The following CYP1B1 variants were observed in gnomAD, a reference collection of about 807,000 sequenced individuals.
The protein encoded by CYP1B1 is cytochrome P450 1B1.
A neutral mutation model predicts 29.9 loss-of-function variants in CYP1B1; 22 were observed. The observed-to-expected ratio is 0.74, with a 90% confidence interval of 0.53 to 1.05. The LOEUF is 1.05. CYP1B1 is among the 50% of genes least tolerant of loss of function. The pLI is 0.00. For missense variants in CYP1B1, 883 were observed against 746.9 expected, an observed-to-expected ratio of 1.18 and a Z score of -2.12; for synonymous variants, 375 against 320.0, an observed-to-expected ratio of 1.17 and a Z score of -1.83.
In CYP1B1 at chr2:38,075,126, C is replaced by G; in HGVS notation, c.263G>C (p.Arg88Pro). 6.3e-7 allele frequency: 1 copy of G among 1,578,724 alleles called. No individual in the cohort carries two copies. The highest frequency in any genetic ancestry group is 1.1e-5 in the South Asian group (1 of 88,516). Reference sequence around the variant, plus strand: ...CACCACTATGGGGCAGCTGCCCAGGCGGATCTGGAAAACGTCGCCGTAGCG... The same window carrying G: ...CACCACTATGGGGCAGCTGCCCAGGGGGATCTGGAAAACGTCGCCGTAGCG... ...ARRYGDVFQIRLGSCPIVVLN... is the reference protein window; with the variant it reads ...ARRYGDVFQIPLGSCPIVVLN... Residue 88 changes from arginine (R) to proline (P), a missense_variant, in exon 2 of 3, where the codon CGC becomes CCC. Coordinates refer to ENST00000610745, the MANE Select transcript of CYP1B1 (RefSeq NM_000104.4).
At position 38,069,293 on chromosome 2, in the gene CYP1B1, A is replaced by T; in HGVS notation, c.*1429T>A. ...AATCATCTAGAAGAGAAACTTGGTC[A>T]GTTGTAATGGGAGTTCTGTCCCCAA... On this transcript the variant is annotated 3_prime_UTR_variant, in exon 3 of 3. Transcript: ENST00000610745. 1 of 220,112 alleles carries T rather than the reference A, an allele frequency of 4.5e-6. No individual in the cohort carries two copies. 13.6% of individuals were successfully genotyped at this position (220,112 alleles called of 1,614,324 possible).
In CYP1B1 at chr2:38,074,385, A is replaced by T. The variant is rs1424195647; in HGVS notation, c.1004T>A (p.Leu335Gln). 6.2e-7 allele frequency: 1 copy of T among 1,613,540 alleles called. No individual in the cohort carries two copies. The highest frequency in any genetic ancestry group is 8.5e-7 in the Non-Finnish European group (1 of 1,180,010). Residue 335 changes from leucine (L) to glutamine (Q), a missense_variant, in exon 2 of 3, where the codon CTG becomes CAG. Transcript: ENST00000610745. ...GAGCAGCCACTGCAGCGCGGTGGAC[A>T]GGGTGTCCTGGCTGGCGCCGAAGAT... ...TDIFGASQDT[L>Q]STALQWLLLL... is the part of the protein sequence containing the mutation.
At chr2:38,071,963 A>G (rs754171102) in intron 2 of CYP1B1, among the ~76,000 whole-genome samples, 1 of 152,180 alleles carries the variant, frequency 6.6e-6, no homozygotes, top group Non-Finnish European at 1.5e-5. Context: ...TGGTGTCCTG[A>G]TGGATAAAGC....
intron 2 of CYP1B1, among the ~76,000 whole-genome samples, chr2:38,072,670 A>G (rs910994614): frequency 2.0e-5 from 3 of 152,194 alleles, no homozygotes; most frequent in African/African-American, 7.2e-5. Flanking sequence ...GAGTCTGCCA[A>G]CTTTTTTCAT....
Position 38,074,525 on chromosome 2 carries a change from G to T in CYP1B1, c.864C>A (p.Ala288=), listed in dbSNP as rs142854274. ...TAAAGGCGTCCATCATGTCGCGGGGGGCGGCCCCGGGCCGAAGGCTTTCGC... is the reference window on the plus strand; with the variant it reads ...TAAAGGCGTCCATCATGTCGCGGGGTGCGGCCCCGGGCCGAAGGCTTTCGC... ...RHCESLRPGA[A]PRDMMDAFIL... Residue 288 remains alanine (A), a synonymous_variant, in exon 2 of 3, where the codon GCC becomes GCA. Transcript: ENST00000610745. 1 of 1,607,602 alleles carries T rather than the reference G, an allele frequency of 6.2e-7. No homozygotes were observed. Among genetic ancestry groups the T allele is most frequent in the Non-Finnish European group, 8.5e-7 (1 of 1,177,382 alleles).
At chr2:38,074,187 CTG>C (rs1682481097) in intron 2 of CYP1B1, 157 bp downstream of exon 2, 1 of 804,500 alleles carries the variant, frequency 1.2e-6, no homozygotes, top group South Asian at 1.7e-5. Flanking sequence ...GCAGCCCTCA[CTG>C]TGAGTCCCTT....
chr2:38,075,635 T>C (rs1558604165), intron 1 of CYP1B1, 145 bp downstream of exon 1: 1 of 586,724 alleles, frequency 1.7e-6, no homozygotes, highest in Non-Finnish European at 3.0e-6. Context: ...GCAAGGCGCG[T>C]AACGGTTCCT....
rs1185738253 is a variant in CYP1B1 at position 38,075,080 on chromosome 2, G to A, written c.309C>T (p.Ile103=). The change falls in exon 2 of 3, where the codon ATC becomes ATT. Residue 103 remains isoleucine, a synonymous_variant. Transcript: ENST00000610745. ...PIVVLNGERA[I]HQALVQQGSA... ...AGCCCTGCTGCACCAGGGCCTGGTG[G>A]ATGGCGCGCTCGCCATTCAGCACCA... 1.9e-6 allele frequency: 3 copies of A among 1,581,664 alleles called. No individual in the cohort carries two copies. The highest frequency in any genetic ancestry group is 2.3e-5 in the East Asian group (1 of 43,860).
intron 2 of CYP1B1, among the ~76,000 whole-genome samples, chr2:38,072,695 T>C (rs1043394934): frequency 6.6e-6 from 1 of 152,192 alleles, no homozygotes; most frequent in African/African-American, 2.4e-5. Context: ...ACATGTATGG[T>C]GGGGAGAGCC....
Position 38,075,024 on chromosome 2 carries a change from G to T in CYP1B1, c.365C>A (p.Ser122Tyr). ...SAFADRPAFA[S>Y]FRVVSGGRSM... ...GCGGCCGCCGGACACCACACGGAAG[G>T]AGGCGAAGGCCGGCCGGTCGGCGAA... Residue 122 changes from serine (S) to tyrosine (Y), a missense_variant, in exon 2 of 3, where the codon TCC (serine) becomes TAC (tyrosine). By Grantham distance (144) the Ser-to-Tyr change is moderately radical (BLOSUM62 -2). Transcript: ENST00000610745. 1 of 1,592,120 alleles carries T rather than the reference G, an allele frequency of 6.3e-7. No individual in the cohort carries two copies.
In CYP1B1 at chr2:38,075,066, A is replaced by T. The variant is rs750429709; in HGVS notation, c.323T>A (p.Val108Glu). Residue 108 changes from valine to glutamate, a missense_variant, in exon 2 of 3, where the codon GTG (valine) becomes GAG (glutamate). Coordinates refer to ENST00000610745, the MANE Select transcript of CYP1B1 (RefSeq NM_000104.4). ...GTCGGCGAAGGCCGAGCCCTGCTGC[A>T]CCAGGGCCTGGTGGATGGCGCGCTC... Reference protein sequence around the residue: ...NGERAIHQALVQQGSAFADRP... With the variant: ...NGERAIHQALEQQGSAFADRP... 16 of 1,584,650 alleles carry T rather than the reference A, an allele frequency of 1.0e-5. No homozygotes were observed. In the African/African-American group the frequency reaches 2.1e-4, roughly 21 times the overall value.
At position 38,072,898 on chromosome 2, in the gene CYP1B1, G is replaced by GA. The variant is rs9341254; in HGVS notation, c.1043+1447dup. Among the ~76,000 whole-genome samples the GA allele has an allele frequency of 6.6e-4, 100 of 151,772 alleles. 1 individual carries two copies. The highest frequency in any genetic ancestry group is 4.0e-3 in the Admixed American group (61 of 15,264). On this transcript the variant is annotated intron_variant, in intron 2 of 2. Coordinates refer to ENST00000610745, the MANE Select transcript of CYP1B1 (RefSeq NM_000104.4). ...TGTCATACGTCTTTTCACTAAAAAG[G>GA]AAAAAAAAAGTATCAGCATATTGAA...
intron 2 of CYP1B1, chr2:38,073,729 C>G (rs1420812378): frequency 6.6e-6 from 1 of 152,564 alleles, no homozygotes; most frequent in Non-Finnish European, 1.5e-5. Context: ...CGGCATTTCT[C>G]AAACTCCTAG....
In CYP1B1 at chr2:38,071,128, A is replaced by G; in HGVS notation, c.1226T>C (p.Val409Ala). 6.2e-7 allele frequency: 1 copy of G among 1,613,798 alleles called. No homozygotes were observed. The highest frequency in any genetic ancestry group is 8.5e-7 in the Non-Finnish European group (1 of 1,179,696). The change falls in exon 3 of 3, where the codon GTC (valine) becomes GCC (alanine). Residue 409 changes from valine (V) to alanine (A), a missense_variant. Val to Ala is a moderately conservative substitution (Grantham distance 64, BLOSUM62 0). Coordinates refer to ENST00000610745, the MANE Select transcript of CYP1B1 (RefSeq NM_000104.4). The part of the protein sequence containing the change: ...IPHATTANTS[V>A]LGYHIPKDTV... ...GTCCTTGGGAATGTGGTAGCCCAAG[A>G]CAGAGGTGTTGGCAGTGGTGGCATG...
In CYP1B1 at chr2:38,068,723, C is replaced by G. The variant is rs1231762874; in HGVS notation, c.*1999G>C. 11 of 223,306 alleles carry G rather than the reference C, an allele frequency of 4.9e-5. No individual in the cohort carries two copies. Among genetic ancestry groups the G allele is most frequent in the Non-Finnish European group, 9.9e-5 (11 of 111,506 alleles). 13.8% of individuals were successfully genotyped at this position (223,306 alleles called of 1,614,324 possible). ...TGAAGTTTTTTAATATTCCAAACCA[C>G]AAAACAGATCTGCTATGTTGTAGAC... On this transcript the variant is annotated 3_prime_UTR_variant, in exon 3 of 3. Coordinates refer to ENST00000610745, the MANE Select transcript of CYP1B1 (RefSeq NM_000104.4).
chr2:38,074,033 A>G lies in CYP1B1; in HGVS notation c.1043+313T>C, dbSNP rs550447178. The G allele has an allele frequency of 1.4e-5, 7 of 493,630 alleles. No homozygotes were observed. In the South Asian group the frequency reaches 1.5e-4, roughly 10 times the overall value. 30.6% of individuals were successfully genotyped at this position (493,630 alleles called of 1,614,324 possible). A position where few individuals can be genotyped will look rare whatever the true frequency, so the allele number is the denominator to read the frequency against. Reference sequence around the variant, plus strand: ...AGAGAGATATCAGGGCTCATCTCCAAGCATTTAAAAACTCTTGTTTTTCCG... The same window carrying G: ...AGAGAGATATCAGGGCTCATCTCCAGGCATTTAAAAACTCTTGTTTTTCCG... On this transcript the variant is annotated intron_variant, in intron 2 of 2. Coordinates refer to ENST00000610745, the MANE Select transcript of CYP1B1 (RefSeq NM_000104.4).
Position 38,074,991 on chromosome 2 carries a change from G to A in CYP1B1, c.398C>T (p.Ala133Val), listed in dbSNP as rs1429075811. Residue 133 changes from alanine (A) to valine (V), a missense_variant, in exon 2 of 3, where the codon GCT becomes GTT. By Grantham distance (64) the Ala-to-Val change is moderately conservative. Coordinates refer to ENST00000610745, the MANE Select transcript of CYP1B1 (RefSeq NM_000104.4). The stretch of plus-strand genomic sequence containing the variant: ...CCAGTGCTCCGAGTAGTGGCCGAAA[G>A]CCATGCTGCGGCCGCCGGACACCAC... Reference protein sequence around the residue: ...FRVVSGGRSMAFGHYSEHWKV... With the variant: ...FRVVSGGRSMVFGHYSEHWKV... The A allele has an allele frequency of 2.5e-6, 4 of 1,588,918 alleles. No homozygotes were observed. In the African/African-American group the frequency reaches 5.3e-5, roughly 21 times the overall value.
In CYP1B1 at chr2:38,070,992, C is replaced by T. The variant is rs760132470; in HGVS notation, c.1362G>A (p.Lys454=). ...RFLDKDGLIN[K]DLTSRVMIFS... ...AAATCATCACTCTGCTGGTCAGGTCCTTGTTGATGAGGCCATCCTTGTCCA... is the reference window on the plus strand; with the variant it reads ...AAATCATCACTCTGCTGGTCAGGTCTTTGTTGATGAGGCCATCCTTGTCCA... The change falls in exon 3 of 3, where the codon AAG becomes AAA. Residue 454 remains lysine (K), a synonymous_variant. Transcript: ENST00000610745. 6.8e-6 allele frequency: 11 copies of T among 1,614,000 alleles called. No individual in the cohort carries two copies. The highest frequency in any genetic ancestry group is 9.3e-6 in the Non-Finnish European group (11 of 1,180,004).
Position 38,067,603 on chromosome 2 carries a change from C to T in CYP1B1, c.*3119G>A, listed in dbSNP as rs1682332613. ...TTTGCTACAACATAAAACTTCATAA[C>T]AAGATTATGAAAGTGATTTTTATTA... On this transcript the variant is annotated 3_prime_UTR_variant, in exon 3 of 3. Transcript: ENST00000610745. 1 of 173,992 alleles carries T rather than the reference C, an allele frequency of 5.7e-6. No individual in the cohort carries two copies. Among genetic ancestry groups the T allele is most frequent in the Admixed American group, 6.3e-5 (1 of 15,754 alleles). The allele number at this position is 173,992 out of a possible 1,614,324, so 10.8% of individuals were successfully genotyped here.
Sources: gnomAD v4.1 joint callset for allele counts (sites outside exome capture counted in the v4.1 genomes callset) on GRCh38, gnomAD v4.1.1 for gene constraint, MANE v1.5 for transcripts, NCBI Gene and HGNC (gene_info 2026-07-23, HGNC 2026-07-21) for gene names.